Variants in AP2A2 observed in about 807,000 individuals in gnomAD.
The protein encoded by AP2A2 is adaptor related protein complex 2 subunit alpha 2.
In AP2A2, 32 loss-of-function variants were observed where a neutral mutation model predicts 104.2. The ratio of observed to expected loss-of-function variants is 0.31; its 90% CI spans 0.23 to 0.41. The LOEUF (loss-of-function observed/expected upper bound fraction) is 0.41, where lower values mean the gene tolerates loss of function less well. AP2A2 is among the 10% of genes least tolerant of loss of function. AP2A2 has a pLI of 1.00. For missense variants in AP2A2, 912 were observed against 1,261.0 expected (o/e 0.72, Z 4.19); for synonymous variants, 539 against 533.3 (o/e 1.01, Z -0.15).
intron 4 of AP2A2, among the ~76,000 whole-genome samples, chr11:972,554 A>G (rs1201288778): frequency 1.3e-5 from 2 of 152,058 alleles, no homozygotes; most frequent in Admixed American, 1.3e-4. Flanking sequence ...AAAATTAGCC[A>G]GTTGTGGTGG....
chr11:977,906 C>G (rs183921255), intron 5 of AP2A2, among the ~76,000 whole-genome samples: 3 of 152,110 alleles, frequency 2.0e-5, no homozygotes, highest in African/African-American at 4.8e-5. Context: ...GATAGAGGGC[C>G]GAGAATGCCA....
At chr11:954,978 C>T (rs1049969983) in intron 1 of AP2A2, among the ~76,000 whole-genome samples, 4 of 152,208 alleles carry the variant, frequency 2.6e-5, no homozygotes, top group Non-Finnish European at 5.9e-5. Flanking sequence ...AGTATTTCCT[C>T]TTTCTCCTGC....
rs547004493 is a variant in AP2A2, at chr11:979,650, C to A, written c.604-1548C>A. Among the ~76,000 whole-genome samples, 3 of 152,314 alleles carry A rather than the reference C, an allele frequency of 2.0e-5. No individual in the cohort carries two copies. The East Asian group carries it at 5.8e-4, about 29-fold the overall frequency. ...GATCTCAGCTCACTGCAACCTCTGC[C>A]TCCTGGGTTCAGGCGATTGTCCTGC... is the stretch of plus-strand genomic sequence containing the variant. On this transcript the variant is annotated intron_variant, in intron 5 of 21. Transcript: ENST00000448903.
At chr11:1,005,243 C>T (rs1193165869) in intron 16 of AP2A2, among the ~76,000 whole-genome samples, 2 of 152,258 alleles carry the variant, frequency 1.3e-5, no homozygotes, top group African/African-American at 4.8e-5. Context: ...GGGCCAGACA[C>T]CTGGACAAAT....
intron 3 of AP2A2, 68 bp from the exon 4 acceptor site, chr11:971,994 G>A: frequency 6.9e-7 from 1 of 1,452,452 alleles, no homozygotes; most frequent in Admixed American, 2.1e-5. Context: ...TGATTGTTGG[G>A]TGACTCAGGG....
chr11:930,734 A>G (rs952536764), intron 1 of AP2A2, among the ~76,000 whole-genome samples: 5 of 152,050 alleles, frequency 3.3e-5, no homozygotes, highest in Non-Finnish European at 7.4e-5. Context: ...GTTAGCCAGG[A>G]TGGTCTCGGT....
intron 1 of AP2A2, among the ~76,000 whole-genome samples, chr11:927,256 G>A (rs1267187790): frequency 1.3e-5 from 2 of 149,186 alleles, no homozygotes; most frequent in African/African-American, 4.9e-5. Flanking sequence ...GAGATGGGGG[G>A]GTCTCGCCAT....
At chr11:975,129 G>T (rs532815562) in intron 4 of AP2A2, among the ~76,000 whole-genome samples, 1 of 152,306 alleles carries the variant, frequency 6.6e-6, no homozygotes. Context: ...GGGAGGCAGC[G>T]GCCAAGGCAG....
At position 984,671 on chromosome 11, in the gene AP2A2, C is replaced by G. The variant is rs778252072; in HGVS notation, c.732C>G (p.Leu244=). Residue 244 remains leucine (L), a synonymous_variant, in exon 7 of 22, where the codon CTC becomes CTG. Coordinates refer to ENST00000448903, the MANE Select transcript of AP2A2 (RefSeq NM_012305.4). ...SRIVTSASTD[L]QDYTYYFVPA... ...TCGTGACGTCTGCATCCACAGATCT[C>G]CAGGATTACACTTACTATTTTGTCC... The G allele has an allele frequency of 1.9e-6, 3 of 1,613,470 alleles. No homozygotes were observed. The highest frequency in any genetic ancestry group is 2.5e-6 in the Non-Finnish European group (3 of 1,179,558).
chr11:1,008,985 C>T (rs986527596), intron 18 of AP2A2, 115 bp from the exon 19 acceptor site: 16 of 827,184 alleles, frequency 1.9e-5, no homozygotes, highest in South Asian at 1.0e-4. Flanking sequence ...CCCCCCGACC[C>T]GCTCTGGTGG....
chr11:966,228 C>T (rs750092883), intron 2 of AP2A2, among the ~76,000 whole-genome samples: 6 of 152,212 alleles, frequency 3.9e-5, no homozygotes, highest in South Asian at 2.1e-4. Flanking sequence ...CGCGGTGGCT[C>T]GTGCCTATAA....
chr11:1,000,639 G>GC, intron 15 of AP2A2, 41 bp downstream of exon 15: 1 of 1,516,110 alleles, frequency 6.6e-7, no homozygotes, highest in South Asian at 1.2e-5. Context: ...GCACGGGGCT[G>GC]CCGTGCCCCC....
intron 2 of AP2A2, among the ~76,000 whole-genome samples, chr11:964,060 A>G (rs1452069118): frequency 6.6e-6 from 1 of 152,178 alleles, no homozygotes; most frequent in Non-Finnish European, 1.5e-5. Context: ...GTCTAGAGGG[A>G]TGATAGTCAA....
chr11:950,341 G>A (rs1018811620), intron 1 of AP2A2, among the ~76,000 whole-genome samples: 3 of 140,558 alleles, frequency 2.1e-5, no homozygotes, highest in African/African-American at 8.0e-5. Flanking sequence ...ACAGAGTTTC[G>A]CTCTGTCACC....
At chr11:1,003,835 C>A in intron 16 of AP2A2, 31 bp downstream of exon 16, 3 of 1,424,302 alleles carry the variant, frequency 2.1e-6, no homozygotes, top group Non-Finnish European at 1.9e-6. Context: ...ATGAAACTGT[C>A]TCTTAGAAAT....
At chr11:969,611 G>A (rs1386226711) in intron 2 of AP2A2, among the ~76,000 whole-genome samples, 1 of 152,124 alleles carries the variant, frequency 6.6e-6, no homozygotes. Flanking sequence ...GCCCTGCCAT[G>A]ATCCCTTGTG....
Position 992,712 on chromosome 11 carries a change from A to G in AP2A2, c.1452+27A>G. ...TATGGCCCGCAGGATGGCAGGAAGG[A>G]TGGGGTGGAGGGCAGTTGCAGAAGG... On this transcript the variant is annotated intron_variant, in intron 11 of 21. Coordinates refer to ENST00000448903, the MANE Select transcript of AP2A2 (RefSeq NM_012305.4). This position sits in a 1 kb window ranked among gnomAD's most constrained non-coding sequence, Gnocchi z 6.4. The G allele has an allele frequency of 1.2e-6, 2 of 1,613,050 alleles. No homozygotes were observed. The highest frequency in any genetic ancestry group is 1.7e-6 in the Non-Finnish European group (2 of 1,179,534).
chr11:1,007,903 A>G (rs923983656), intron 17 of AP2A2, 109 bp from the exon 18 acceptor site: 1 of 1,487,876 alleles, frequency 6.7e-7, no homozygotes, highest in Non-Finnish European at 9.1e-7. Context: ...TGGTGGTCCT[A>G]GAGTGTGGTG....
intron 2 of AP2A2, among the ~76,000 whole-genome samples, chr11:960,427 G>A (rs992310070): frequency 8.6e-5 from 13 of 151,118 alleles, no homozygotes; most frequent in African/African-American, 2.7e-4. Flanking sequence ...TAGTAGAGAC[G>A]AGATTTCTCC....
Sources: gnomAD v4.1 joint callset for allele counts (sites outside exome capture counted in the v4.1 genomes callset) on GRCh38, gnomAD v4.1.1 for gene constraint, Gnocchi (gnomAD v3.1) non-coding constraint, MANE v1.5 for transcripts, NCBI Gene and HGNC (gene_info 2026-07-23, HGNC 2026-07-21) for gene names.